TUB: variants seen among roughly 807,000 people sequenced by gnomAD.
TUB encodes tubby protein homolog.
A neutral mutation model predicts 59.7 loss-of-function variants in TUB; 33 were observed. That is an observed-to-expected ratio of 0.55 (90% confidence interval 0.42 to 0.74). The LOEUF is 0.74. Among genes scored for constraint, TUB ranks in the 30% least tolerant of loss-of-function variants. The probability of loss-of-function intolerance (pLI) is 0.00; values close to 1 mark genes in which losing one functional copy is unlikely to be tolerated. For synonymous variants in TUB, 293 were observed against 256.4 expected (o/e 1.14, Z -1.36); for missense variants, 659 against 672.0 (o/e 0.98, Z 0.21).
intron 2 of TUB, among the ~76,000 whole-genome samples, chr11:8,061,175 G>A (rs1469110286): frequency 4.6e-5 from 7 of 152,218 alleles, no homozygotes; most frequent in Admixed American, 3.9e-4. Flanking sequence ...TCTCTGAACA[G>A]GACAAAGCAC....
At chr11:8,058,220 TA>T (rs59581554) in intron 2 of TUB, among the ~76,000 whole-genome samples, 2,527 of 139,776 alleles carry the variant, frequency 0.018, 64 homozygotes, top group African/African-American at 0.059. Flanking sequence ...TCTCAAAAAT[TA>T]AAAAAAAAAA....
At chr11:8,057,141 G>C (rs1564905111) in intron 2 of TUB, among the ~76,000 whole-genome samples, 1 of 152,100 alleles carries the variant, frequency 6.6e-6, no homozygotes, top group Non-Finnish European at 1.5e-5. Context: ...GTCCCATTCA[G>C]TTCTTTAGGG....
intron 3 of TUB, among the ~76,000 whole-genome samples, chr11:8,092,253 G>T (rs1283206228): frequency 6.6e-6 from 1 of 152,162 alleles, no homozygotes; most frequent in African/African-American, 2.4e-5. Context: ...ACTAGCCTGG[G>T]TAACATAGTG....
chr11:8,075,073 C>T lies in TUB; in HGVS notation c.204-14537C>T, dbSNP rs930094864. ...CCTGTCTCATAAAAACAAAAATTCC[C>T]CATAAAGGATGCTTAGTGATCCATC... On this transcript the variant is annotated intron_variant, in intron 2 of 12. Transcript: ENST00000305253. Among the ~76,000 whole-genome samples, 6 of 150,604 alleles carry T rather than the reference C, an allele frequency of 4.0e-5. No individual in the cohort carries two copies. In the East Asian group the frequency reaches 1.2e-3, roughly 29 times the overall value.
chr11:8,103,447 G>C lies in TUB; in HGVS notation c.*1828G>C. On this transcript the variant is annotated 3_prime_UTR_variant, in exon 12 of 12. Coordinates refer to ENST00000299506, the MANE Select transcript of TUB (RefSeq NM_177972.3). ...GTTAGGCTTTATAGGTGAAGGACTT[G>C]TTTTGACTTAAGTAGAAGTAATATG... 1 of 152,414 alleles carries C rather than the reference G, an allele frequency of 6.6e-6. No homozygotes were observed. Among genetic ancestry groups the C allele is most frequent in the East Asian group, 1.9e-4 (1 of 5,202 alleles). The allele number at this position is 152,414 out of a possible 1,614,324, so 9.4% of individuals were successfully genotyped here.
At chr11:8,093,911 A>G in intron 3 of TUB, 135 bp from the exon 4 acceptor site, 1 of 984,168 alleles carries the variant, frequency 1.0e-6, no homozygotes, top group Non-Finnish European at 1.5e-6. Context: ...TGTGGGCTGT[A>G]GAAGTGGTAC....
At chr11:8,080,401 C>T (rs963292452), upstream of TUB, among the ~76,000 whole-genome samples, 1 of 152,208 alleles carries the variant, frequency 6.6e-6, no homozygotes, top group African/African-American at 2.4e-5. Flanking sequence ...CAAGCTGGTC[C>T]TAGTCACAGC....
At chr11:8,039,813 AGT>A (rs548754841) in intron 2 of TUB, 21 of 713,624 alleles carry the variant, frequency 2.9e-5, no homozygotes, top group Non-Finnish European at 3.7e-5. Context: ...TGCGCCTGGG[AGT>A]GTGTGTGTGA....
intron 4 of TUB, 22 bp from the exon 5 acceptor site, chr11:8,095,476 C>G: frequency 1.3e-6 from 2 of 1,593,922 alleles, no homozygotes; most frequent in Non-Finnish European, 1.7e-6. Context: ...GGATGTAACT[C>G]AGGCGTGTCC....
chr11:8,040,154 G>A (rs115492115), intron 2 of TUB, among the ~76,000 whole-genome samples: 366 of 152,286 alleles, frequency 2.4e-3, no homozygotes, highest in African/African-American at 7.7e-3. Flanking sequence ...GCCCTGCCCC[G>A]GGGTGCCGTC....
chr11:8,019,771 C>T (rs1006427444), intron 1 of TUB, among the ~76,000 whole-genome samples: 6 of 151,738 alleles, frequency 4.0e-5, no homozygotes, highest in Admixed American at 2.0e-4. Flanking sequence ...GGGATGCGCC[C>T]GCCGGCGTCT....
intron 3 of TUB, among the ~76,000 whole-genome samples, chr11:8,093,245 G>C (rs928368229): frequency 1.2e-4 from 18 of 152,160 alleles, no homozygotes; most frequent in African/African-American, 3.9e-4. Flanking sequence ...GATCACTGAG[G>C]GGGGCGAGGG....
intron 1 of TUB, among the ~76,000 whole-genome samples, chr11:8,025,374 T>C (rs1400575873): frequency 3.9e-5 from 6 of 152,106 alleles, no homozygotes; most frequent in Non-Finnish European, 8.8e-5. Flanking sequence ...GAATGTTCCA[T>C]GGAAAGGAGC....
At chr11:8,021,294 T>C (rs908315648) in intron 1 of TUB, among the ~76,000 whole-genome samples, 1 of 152,056 alleles carries the variant, frequency 6.6e-6, no homozygotes, top group Non-Finnish European at 1.5e-5. Flanking sequence ...ACCCCGTCTG[T>C]ACTACAAATA....
At position 8,100,505 on chromosome 11, in the gene TUB, G is replaced by A. The variant is rs751611791; in HGVS notation, c.1119G>A (p.Glu373=). The A allele has an allele frequency of 6.2e-7, 1 of 1,614,002 alleles. No individual in the cohort carries two copies. The highest frequency in any genetic ancestry group is 8.5e-7 in the Non-Finnish European group (1 of 1,179,950). ...CAGTGTTGCGTTCTCTTTCCCAGGAGACAAACGTCTTAGGCTTCAAGGGGC... is the reference window on the plus strand; with the variant it reads ...CAGTGTTGCGTTCTCTTTCCCAGGAAACAAACGTCTTAGGCTTCAAGGGGC... ...LRQELAAVCY[E]TNVLGFKGPR... is the part of the protein sequence containing the mutation. Residue 373 remains glutamate, a splice_region_variant and synonymous_variant, in exon 10 of 12, where the codon GAG becomes GAA. Coordinates refer to ENST00000299506, the MANE Select transcript of TUB (RefSeq NM_177972.3).
At chr11:8,050,304 A>G (rs1250751983) in intron 2 of TUB, among the ~76,000 whole-genome samples, 1 of 152,234 alleles carries the variant, frequency 6.6e-6, no homozygotes, top group African/African-American at 2.4e-5. Flanking sequence ...ATTCTTGTAC[A>G]TATCTTTTGG....
intron 2 of TUB, among the ~76,000 whole-genome samples, chr11:8,069,979 G>A (rs1035665213): frequency 6.6e-6 from 1 of 152,238 alleles, no homozygotes; most frequent in African/African-American, 2.4e-5. Context: ...TGGCCGCACC[G>A]TGTGGGCATG....
At chr11:8,019,897 G>C (rs2048077623) in intron 1 of TUB, among the ~76,000 whole-genome samples, 1 of 152,170 alleles carries the variant, frequency 6.6e-6, no homozygotes. Context: ...AGCCTGGGCC[G>C]GCTGTCTGGG....
chr11:8,047,110 A>G (rs1419954334), intron 2 of TUB, among the ~76,000 whole-genome samples: 1 of 152,028 alleles, frequency 6.6e-6, no homozygotes, highest in Non-Finnish European at 1.5e-5. Context: ...TTCCTGTTAT[A>G]TTCTCCAGCA....
Sources: gnomAD v4.1 joint callset for allele counts (sites outside exome capture counted in the v4.1 genomes callset) on GRCh38, gnomAD v4.1.1 for gene constraint, MANE v1.5 for transcripts, NCBI Gene and HGNC (gene_info 2026-07-23, HGNC 2026-07-21) for gene names.